CADPS2: variants seen among roughly 807,000 people sequenced by gnomAD.
CADPS2 encodes the protein calcium dependent secretion activator 2.
A neutral mutation model predicts 172.5 loss-of-function variants in CADPS2; 93 were observed. The ratio of observed to expected loss-of-function variants is 0.54; its 90% CI spans 0.46 to 0.64. The LOEUF (loss-of-function observed/expected upper bound fraction) is 0.64, where lower values mean the gene tolerates loss of function less well. Ranked by LOEUF, CADPS2 falls within the 30% of genes least tolerant of loss-of-function variation. CADPS2 has a pLI of 0.00. For synonymous variants in CADPS2, 546 were observed against 555.2 expected, an observed-to-expected ratio of 0.98 and a Z score of 0.23; for missense variants, 1,420 against 1,565.9, an observed-to-expected ratio of 0.91 and a Z score of 1.57.
At chr7:122,664,825 C>G (rs1443875847) in intron 2 of CADPS2, among the ~76,000 whole-genome samples, 1 of 152,060 alleles carries the variant, frequency 6.6e-6, no homozygotes, top group Non-Finnish European at 1.5e-5. Context: ...CACTCTGTGG[C>G]CCAGGCTGGA....
chr7:122,885,426 C>T (rs1233075467), intron 1 of CADPS2, among the ~76,000 whole-genome samples: 1 of 151,876 alleles, frequency 6.6e-6, no homozygotes, highest in Non-Finnish European at 1.5e-5. Flanking sequence ...CATGCCTTCT[C>T]GGTGTTTGGA....
chr7:122,737,468 C>G (rs1038479429), intron 1 of CADPS2, among the ~76,000 whole-genome samples: 1 of 152,198 alleles, frequency 6.6e-6, no homozygotes, highest in Non-Finnish European at 1.5e-5. Context: ...GCCTTGGCCT[C>G]CCAGTGTGCT....
intron 4 of CADPS2, among the ~76,000 whole-genome samples, chr7:122,622,755 T>TC (rs1314252404): frequency 2.6e-5 from 4 of 152,180 alleles, no homozygotes; most frequent in African/African-American, 4.8e-5. Context: ...CAGCCATCTT[T>TC]CAAATGGCTG....
chr7:122,758,682 C>G (rs972952540), intron 1 of CADPS2, among the ~76,000 whole-genome samples: 4 of 152,126 alleles, frequency 2.6e-5, no homozygotes, highest in Non-Finnish European at 5.9e-5. Context: ...GATTTGCATA[C>G]ATTTACTGGC....
At chr7:122,354,316 C>T (rs963721624) in intron 27 of CADPS2, 1 of 152,018 alleles carries the variant, frequency 6.6e-6, no homozygotes, top group African/African-American at 2.4e-5. Context: ...GTAATTACAT[C>T]TCCATTTTAC....
At chr7:122,411,591 C>T (rs17463779) in intron 19 of CADPS2, among the ~76,000 whole-genome samples, 6,228 of 152,138 alleles carry the variant, frequency 0.041, 232 homozygotes, top group Non-Finnish European at 0.057. Context: ...GCTGCCTAAA[C>T]GAGCAAAAAC....
intron 1 of CADPS2, among the ~76,000 whole-genome samples, chr7:122,863,783 A>T (rs1000090436): frequency 2.0e-5 from 3 of 152,220 alleles, no homozygotes; most frequent in African/African-American, 7.2e-5. Flanking sequence ...TAATCCCAGC[A>T]CTTTGAAAGG....
At chr7:122,758,085 T>C (rs2093238699) in intron 1 of CADPS2, among the ~76,000 whole-genome samples, 1 of 152,238 alleles carries the variant, frequency 6.6e-6, no homozygotes, top group African/African-American at 2.4e-5. Context: ...TCAAGCTTGC[T>C]TCTCCTTATA....
intron 20 of CADPS2, among the ~76,000 whole-genome samples, chr7:122,401,843 G>C (rs1246084707): frequency 6.6e-6 from 1 of 152,082 alleles, no homozygotes; most frequent in Non-Finnish European, 1.5e-5. Context: ...GTCAGTGAGT[G>C]AGTCTGTGAG....
chr7:122,523,829 C>G (rs1218427495), intron 8 of CADPS2, among the ~76,000 whole-genome samples: 1 of 152,066 alleles, frequency 6.6e-6, no homozygotes, highest in Admixed American at 6.6e-5. Context: ...TAAAATGTCT[C>G]AGAAGTAAAT....
intron 1 of CADPS2, among the ~76,000 whole-genome samples, chr7:122,798,858 A>C (rs1471918383): frequency 6.6e-6 from 1 of 151,808 alleles, no homozygotes; most frequent in African/African-American, 2.4e-5. Context: ...TTTTTGCAAG[A>C]CAGGGAGTCA....
chr7:122,789,516 A>G (rs1477812165), intron 1 of CADPS2, among the ~76,000 whole-genome samples: 3 of 152,186 alleles, frequency 2.0e-5, no homozygotes, highest in Non-Finnish European at 4.4e-5. Context: ...TATAAGCATT[A>G]CACTCTAACC....
intron 24 of CADPS2, among the ~76,000 whole-genome samples, chr7:122,385,929 A>G (rs1005881020): frequency 2.6e-5 from 4 of 152,118 alleles, no homozygotes; most frequent in Non-Finnish European, 5.9e-5. Context: ...AAATGCTTGA[A>G]AAATGTTAAT....
intron 7 of CADPS2, among the ~76,000 whole-genome samples, chr7:122,567,582 G>A (rs1287763902): frequency 6.6e-6 from 1 of 152,100 alleles, no homozygotes; most frequent in Non-Finnish European, 1.5e-5. Flanking sequence ...TGTGACACTA[G>A]TTTAAAAGAT....
chr7:122,675,761 C>A (rs1372687525), intron 2 of CADPS2, among the ~76,000 whole-genome samples: 3 of 152,034 alleles, frequency 2.0e-5, no homozygotes, highest in Non-Finnish European at 4.4e-5. Flanking sequence ...TAAGTGGGAG[C>A]TAAACAATGA....
chr7:122,501,467 G>A (rs1004728615), intron 9 of CADPS2, among the ~76,000 whole-genome samples: 3 of 152,052 alleles, frequency 2.0e-5, no homozygotes, highest in Non-Finnish European at 2.9e-5. Flanking sequence ...CACTAGCATT[G>A]AGAGACAAGG....
At chr7:122,340,105 GA>G (rs2036544213) in intron 28 of CADPS2, among the ~76,000 whole-genome samples, 1 of 152,010 alleles carries the variant, frequency 6.6e-6, no homozygotes, top group Non-Finnish European at 1.5e-5. Flanking sequence ...TTCTTCACTG[GA>G]AAGTAAGCAT....
chr7:122,866,422 G>A (rs1047722827), intron 1 of CADPS2, among the ~76,000 whole-genome samples: 1 of 152,038 alleles, frequency 6.6e-6, no homozygotes, highest in East Asian at 1.9e-4. Flanking sequence ...TCTGGTGGCC[G>A]GGTGCAGTGG....
At chr7:122,486,480 A>T (rs2057823303) in intron 11 of CADPS2, among the ~76,000 whole-genome samples, 1 of 152,184 alleles carries the variant, frequency 6.6e-6, no homozygotes, top group African/African-American at 2.4e-5. Context: ...CAGCCTGAAG[A>T]TGTGACTGAA....
Sources: gnomAD v4.1 joint callset for allele counts (sites outside exome capture counted in the v4.1 genomes callset) on GRCh38, gnomAD v4.1.1 for gene constraint, MANE v1.5 for transcripts, NCBI Gene and HGNC (gene_info 2026-07-23, HGNC 2026-07-21) for gene names.